The following CNOT1 variants were observed in gnomAD, a reference collection of about 807,000 sequenced individuals.
CNOT1 encodes CCR4-NOT transcription complex subunit 1.
In CNOT1, 15 loss-of-function variants were observed where a neutral mutation model predicts 273.8. The ratio of observed to expected loss-of-function variants is 0.05; its 90% confidence interval spans 0.04 to 0.08. CNOT1 has a LOEUF of 0.08. Among genes scored for constraint, CNOT1 ranks in the 10% least tolerant of loss-of-function variants. The pLI, the probability that CNOT1 is intolerant of heterozygous loss-of-function variation, is 1.00. For synonymous variants in CNOT1, 1,022 were observed against 1,005.5 expected (o/e 1.02, Z -0.31); for missense variants, 1,644 against 2,912.2 (o/e 0.56, Z 10.02).
Position 58,567,166 on chromosome 16 carries a change from AAAAG to A in CNOT1, c.1980-6808_1980-6805del, listed in dbSNP as rs905996234. On this transcript the variant is annotated intron_variant, in intron 16 of 48. Coordinates refer to ENST00000317147, the MANE Select transcript of CNOT1 (RefSeq NM_016284.5). ...CAACACAGTAAGACCTCATAAGAAA[AAAAG>A]AAAGAAAGAAAAAAAAAGGCTGAGC... Among the ~76,000 whole-genome samples, 69 of 152,236 alleles carry A rather than the reference AAAAG, an allele frequency of 4.5e-4. 1 individual carries two copies. Among genetic ancestry groups the A allele is most frequent in the Admixed American group, 2.5e-3 (38 of 15,284 alleles).
At chr16:58,609,299 G>C (rs1597590447) in intron 1 of CNOT1, among the ~76,000 whole-genome samples, 1 of 151,842 alleles carries the variant, frequency 6.6e-6, no homozygotes, top group Non-Finnish European at 1.5e-5. Flanking sequence ...TTGAACCTGG[G>C]AGGCGGAGGT....
chr16:58,522,237 CAAAAAAAAAAA>C (rs56149974), intron 47 of CNOT1, among the ~76,000 whole-genome samples: 17 of 98,592 alleles, frequency 1.7e-4, no homozygotes, highest in Middle Eastern at 6.7e-3. Context: ...GAGACTGTCT[CAAAAAAAAAAA>C]AAAAAAAAAA....
chr16:58,590,808 C>T (rs1466715962), intron 2 of CNOT1, among the ~76,000 whole-genome samples: 1 of 152,170 alleles, frequency 6.6e-6, no homozygotes, highest in Non-Finnish European at 1.5e-5. Context: ...AACTATGATC[C>T]AATTAACCAG....
chr16:58,593,568 G>GA (rs34487574), intron 2 of CNOT1, among the ~76,000 whole-genome samples: 104,127 of 139,680 alleles, frequency 0.75, 38,854 homozygotes, highest in Middle Eastern at 0.86. Flanking sequence ...CGTCTCAAGG[G>GA]AAAAAAAAAA....
chr16:58,586,526 GCTACAAAGA>G lies in CNOT1; in HGVS notation c.637+10_637+18del. The G allele has an allele frequency of 6.2e-7, 1 of 1,605,528 alleles. No homozygotes were observed. The highest frequency in any genetic ancestry group is 2.1e-4 in the Middle Eastern group (1 of 4,812). On this transcript the variant is annotated intron_variant, in intron 7 of 48. Coordinates refer to ENST00000317147, the MANE Select transcript of CNOT1 (RefSeq NM_016284.5). ...CATCCAAGAAAACCACCCACTGTAG[GCTACAAAGA>G]CTCCCTTACCTCTGCGCAGCGTCTT...
intron 1 of CNOT1, among the ~76,000 whole-genome samples, chr16:58,625,358 A>C (rs2152057975): frequency 6.6e-6 from 1 of 152,256 alleles, no homozygotes; most frequent in South Asian, 2.1e-4. Context: ...ACTAAATACA[A>C]AAAATTAGCC....
chr16:58,615,744 C>A lies in CNOT1; in HGVS notation c.-175+13984G>T, dbSNP rs193067270. Among the ~76,000 whole-genome samples, 5 of 124,722 alleles carry A rather than the reference C, an allele frequency of 4.0e-5. 1 individual carries two copies. Among genetic ancestry groups the A allele is most frequent in the Admixed American group, 4.0e-4 (5 of 12,542 alleles). The allele number at this position is 124,722 out of a possible 152,430, so 81.8% of individuals were successfully genotyped here. A position where few individuals can be genotyped will look rare whatever the true frequency, so the allele number is the denominator to read the frequency against. On this transcript the variant is annotated intron_variant, in intron 1 of 48. Transcript: ENST00000317147. Reference sequence around the variant, plus strand: ...TACCAAGAAAGGAAAGATAAGGTCACAGGAAAGCCATGAACATGTAAGGAA... The same window carrying A: ...TACCAAGAAAGGAAAGATAAGGTCAAAGGAAAGCCATGAACATGTAAGGAA...
chr16:58,560,822 C>T (rs970223417), intron 16 of CNOT1, among the ~76,000 whole-genome samples: 2 of 152,104 alleles, frequency 1.3e-5, no homozygotes, highest in South Asian at 2.1e-4. Flanking sequence ...GTCAGGAGTT[C>T]GAGACCAGCC....
At position 58,536,016 on chromosome 16, in the gene CNOT1, G is replaced by A. The variant is rs148369146; in HGVS notation, c.5646+973C>T. On this transcript the variant is annotated intron_variant, in intron 39 of 48. Coordinates refer to ENST00000317147, the MANE Select transcript of CNOT1 (RefSeq NM_016284.5). ...CCCAAAGTGCTGGGATTACAGGCGT[G>A]AGCCACAGCACCTGGCTGAAAAGTA... Among the ~76,000 whole-genome samples, 165 of 152,310 alleles carry A rather than the reference G, an allele frequency of 1.1e-3. 2 individuals carry two copies. In the East Asian group the frequency reaches 0.031, roughly 28 times the overall value.
chr16:58,561,117 C>T (rs1247794660), intron 16 of CNOT1, among the ~76,000 whole-genome samples: 3 of 152,194 alleles, frequency 2.0e-5, no homozygotes, highest in East Asian at 3.9e-4. Context: ...CCCAGGAGTT[C>T]GAGGCTGCAA....
At position 58,549,649 on chromosome 16, in the gene CNOT1, C is replaced by T; in HGVS notation, c.3522+70G>A. On this transcript the variant is annotated intron_variant, in intron 25 of 48. Coordinates refer to ENST00000317147, the MANE Select transcript of CNOT1 (RefSeq NM_016284.5). ...ATATATATGGAAAAATAGCAAAAAT[C>T]CTACCTATATAATCAAATATTTCCA... 2.0e-6 allele frequency: 3 copies of T among 1,511,564 alleles called. No individual in the cohort carries two copies. The South Asian group carries it at 4.1e-5, about 20-fold the overall frequency. 93.6% of individuals were successfully genotyped at this position (1,511,564 alleles called of 1,614,324 possible).
At chr16:58,610,669 C>T (rs2042864822) in intron 1 of CNOT1, among the ~76,000 whole-genome samples, 1 of 152,092 alleles carries the variant, frequency 6.6e-6, no homozygotes, top group Non-Finnish European at 1.5e-5. Flanking sequence ...CAGTGAAACC[C>T]TGTCTTTACA....
chr16:58,607,064 T>G (rs1488982527), intron 1 of CNOT1, among the ~76,000 whole-genome samples: 1 of 152,108 alleles, frequency 6.6e-6, no homozygotes, highest in African/African-American at 2.4e-5. Context: ...TCAACAAAAG[T>G]ATACTCATGA....
At chr16:58,601,986 T>C (rs948039822) in intron 1 of CNOT1, among the ~76,000 whole-genome samples, 10 of 152,316 alleles carry the variant, frequency 6.6e-5, no homozygotes, top group Admixed American at 2.6e-4. Context: ...CTGATGACTT[T>C]TGGCTTCACA....
At chr16:58,545,243 A>T in intron 30 of CNOT1, 118 bp downstream of exon 30, 1 of 1,484,318 alleles carries the variant, frequency 6.7e-7, no homozygotes, top group Non-Finnish European at 9.0e-7. Context: ...ATCCTCTCTG[A>T]CAAACTCTAC....
Position 58,586,757 on chromosome 16 carries a change from C to G in CNOT1, c.434-9G>C, listed in dbSNP as rs764908535. 6.2e-7 allele frequency: 1 copy of G among 1,610,900 alleles called. No homozygotes were observed. Among genetic ancestry groups the G allele is most frequent in the East Asian group, 2.2e-5 (1 of 44,844 alleles). On this transcript the variant is annotated splice_polypyrimidine_tract_variant and intron_variant, in intron 6 of 48. Transcript: ENST00000317147. ...TTTGATAAACTGGGCAGCTAGAAGT[C>G]AGGTAAACCAAAAACCGCAAGTTAC... is the stretch of plus-strand genomic sequence containing the variant.
Position 58,597,748 on chromosome 16 carries a change from G to A in CNOT1, c.102+1488C>T, listed in dbSNP as rs147472485. 7.3e-4 allele frequency: 372 copies of A among 508,696 alleles called. 2 individuals are homozygous for A. Among genetic ancestry groups the A allele is most frequent in the Middle Eastern group, 2.7e-3 (8 of 2,946 alleles). 31.5% of individuals were successfully genotyped at this position (508,696 alleles called of 1,614,324 possible). A position where few individuals can be genotyped will look rare whatever the true frequency, so the allele number is the denominator to read the frequency against. On this transcript the variant is annotated intron_variant, in intron 2 of 48. Transcript: ENST00000317147. The stretch of plus-strand genomic sequence containing the variant: ...GGAGGGTGTGATGGTGGCCCACCAA[G>A]TACTGAGTGAAGGAGTCCAGGGGCC...
chr16:58,607,178 C>T (rs1364760185), intron 1 of CNOT1, among the ~76,000 whole-genome samples: 1 of 149,438 alleles, frequency 6.7e-6, no homozygotes, highest in East Asian at 2.0e-4. Flanking sequence ...TAAAATCCCA[C>T]TAAAAAAGTC....
At chr16:58,559,314 CCTAAA>C (rs775236620) in intron 17 of CNOT1, among the ~76,000 whole-genome samples, 19 of 152,140 alleles carry the variant, frequency 1.2e-4, no homozygotes, top group South Asian at 6.2e-4. Flanking sequence ...GATGAACTGC[CCTAAA>C]CTAAACATTT....
Sources: gnomAD v4.1 joint callset for allele counts (sites outside exome capture counted in the v4.1 genomes callset) on GRCh38, gnomAD v4.1.1 for gene constraint, MANE v1.5 for transcripts, NCBI Gene and HGNC (gene_info 2026-07-23, HGNC 2026-07-21) for gene names.